The following AIDA variants were observed in gnomAD, a reference collection of about 807,000 sequenced individuals.
AIDA encodes the protein axin interactor, dorsalization-associated protein.
Under a neutral mutation model 42.7 loss-of-function variants are expected in AIDA, and 18 were observed. The ratio of observed to expected loss-of-function variants is 0.42; its 90% CI spans 0.29 to 0.63. AIDA has a LOEUF of 0.63. Among genes scored for constraint, AIDA ranks in the 20% least tolerant of loss-of-function variants. AIDA has a pLI of 0.19. For missense variants in AIDA, 250 were observed against 354.1 expected (o/e 0.71, Z 2.36); for synonymous variants, 104 against 122.9 (o/e 0.85, Z 1.02).
At chr1:222,677,587 G>A (rs1435249545) in intron 6 of AIDA, among the ~76,000 whole-genome samples, 1 of 152,082 alleles carries the variant, frequency 6.6e-6, no homozygotes, top group Non-Finnish European at 1.5e-5. Context: ...AGAATGTTCT[G>A]TTCTTGGTCT....
rs112437025 is a variant in AIDA, at chr1:222,704,277, A to G, written c.111-1060T>C. On this transcript the variant is annotated intron_variant, in intron 1 of 9. Transcript: ENST00000340020. ...GGAAAACAATTTGGCCATTCCTCAA[A>G]AAGTTAAATATAGACTTACTGTATG... 2.6e-3 allele frequency among the ~76,000 whole-genome samples: 400 copies of G among 152,356 alleles called. 2 individuals are homozygous for G. The highest frequency in any genetic ancestry group is 9.3e-3 in the African/African-American group (385 of 41,584).
rs191714614 is a variant in AIDA, at chr1:222,688,226, C to G, written c.290-568G>C. ...TTCAAAAAAAGTTGTATAAAAGATG[C>G]CCAGTTAGAGATACATGAGTACATT... On this transcript the variant is annotated intron_variant, in intron 4 of 9. Transcript: ENST00000340020. Among the ~76,000 whole-genome samples the G allele has an allele frequency of 2.0e-5, 3 of 152,168 alleles. 1 individual carries two copies. The highest frequency in any genetic ancestry group is 2.0e-4 in the Admixed American group (3 of 15,280).
chr1:222,697,109 A>C (rs937042687), intron 2 of AIDA, among the ~76,000 whole-genome samples: 1 of 151,660 alleles, frequency 6.6e-6, no homozygotes, highest in Non-Finnish European at 1.5e-5. Context: ...CGCCCGGCTA[A>C]TTTCTGTATT....
rs1664393754 is a variant in AIDA at position 222,668,906 on chromosome 1, A to T, written c.*987T>A. ...ATGAATGTCAGTATATCTAAATAGG[A>T]AATAAATGGCGATCCTATCTACCTA... On this transcript the variant is annotated 3_prime_UTR_variant, in exon 10 of 10. Transcript: ENST00000340020. 6.6e-6 allele frequency: 1 copy of T among 151,086 alleles called. No homozygotes were observed. The highest frequency in any genetic ancestry group is 2.0e-4 in the East Asian group (1 of 5,102). 9.4% of individuals were successfully genotyped at this position (151,086 alleles called of 1,614,324 possible).
chr1:222,693,713 T>G (rs1281189872), intron 4 of AIDA, 76 bp downstream of exon 4: 1 of 1,233,358 alleles, frequency 8.1e-7, no homozygotes, highest in East Asian at 2.3e-5. Context: ...TCATAATCTT[T>G]GTTAAATAGC....
At chr1:222,672,763 G>A (rs761181946) in intron 8 of AIDA, among the ~76,000 whole-genome samples, 5 of 152,212 alleles carry the variant, frequency 3.3e-5, no homozygotes, top group Non-Finnish European at 5.9e-5. Flanking sequence ...GAACCCTCAG[G>A]TGATAAAGGG....
chr1:222,688,486 C>A (rs1328662372), intron 4 of AIDA, among the ~76,000 whole-genome samples: 1 of 152,136 alleles, frequency 6.6e-6, no homozygotes, highest in Non-Finnish European at 1.5e-5. Flanking sequence ...AAAATTCCAA[C>A]TGCCTAGTAT....
chr1:222,671,823 G>A lies in AIDA; in HGVS notation c.706+1490C>T, dbSNP rs369732231. Among the ~76,000 whole-genome samples, 180 of 152,290 alleles carry A rather than the reference G, an allele frequency of 1.2e-3. 4 individuals are homozygous for A. The South Asian group carries it at 0.036, about 30-fold the overall frequency. ...TCATTAGAAAACCAAAGATTTTAAA[G>A]ACAGCAGAGTCTTTTCTGCTAGGAA... is the stretch of plus-strand genomic sequence containing the variant. On this transcript the variant is annotated intron_variant, in intron 8 of 9. Transcript: ENST00000340020.
intron 6 of AIDA, among the ~76,000 whole-genome samples, chr1:222,680,439 A>C (rs996604259): frequency 1.4e-4 from 21 of 152,344 alleles, no homozygotes; most frequent in African/African-American, 4.8e-4. Flanking sequence ...TTTCTAAAGA[A>C]GAGGTATGAG....
At chr1:222,703,606 C>T (rs1406982167) in intron 1 of AIDA, among the ~76,000 whole-genome samples, 4 of 152,246 alleles carry the variant, frequency 2.6e-5, no homozygotes, top group Middle Eastern at 3.4e-3. Flanking sequence ...ACCAGAGATA[C>T]TTTATCAGTC....
At chr1:222,686,648 T>C (rs1655192795) in intron 6 of AIDA, among the ~76,000 whole-genome samples, 1 of 152,178 alleles carries the variant, frequency 6.6e-6, no homozygotes, top group Non-Finnish European at 1.5e-5. Context: ...TCTTGTGTTC[T>C]CTTGTAATGA....
At chr1:222,689,788 T>C (rs1478640974) in intron 4 of AIDA, among the ~76,000 whole-genome samples, 1 of 151,922 alleles carries the variant, frequency 6.6e-6, no homozygotes, top group African/African-American at 2.4e-5. Flanking sequence ...TTTAGCCTAA[T>C]TGTACAGTGT....
intron 1 of AIDA, chr1:222,711,918 A>C (rs1443502765): frequency 2.7e-6 from 1 of 366,306 alleles, no homozygotes; most frequent in East Asian, 6.8e-5. Context: ...AAAGGAACTA[A>C]GCAGATAGCC....
At chr1:222,703,043 A>G (rs1384731722) in intron 2 of AIDA, 105 bp downstream of exon 2, 1 of 794,996 alleles carries the variant, frequency 1.3e-6, no homozygotes, top group African/African-American at 1.8e-5. Context: ...TAAGTATAAC[A>G]GTTTTTTGTT....
At chr1:222,698,978 A>T (rs1158710928) in intron 2 of AIDA, among the ~76,000 whole-genome samples, 1 of 151,314 alleles carries the variant, frequency 6.6e-6, no homozygotes. Context: ...GGTGCCCGCC[A>T]CCACGCCTGG....
At chr1:222,699,993 C>T (rs906073678) in intron 2 of AIDA, among the ~76,000 whole-genome samples, 4 of 152,078 alleles carry the variant, frequency 2.6e-5, no homozygotes, top group Admixed American at 1.3e-4. Context: ...CTCCTGACCT[C>T]GTGATCTGCC....
At chr1:222,696,640 T>G (rs1022685779) in intron 2 of AIDA, among the ~76,000 whole-genome samples, 1 of 152,224 alleles carries the variant, frequency 6.6e-6, no homozygotes, top group Non-Finnish European at 1.5e-5. Context: ...AGCAATGCCT[T>G]CTATGCAATA....
chr1:222,698,448 A>ATTTTTTT (rs36041357), intron 2 of AIDA, among the ~76,000 whole-genome samples: 1 of 127,374 alleles, frequency 7.9e-6, no homozygotes, highest in African/African-American at 2.8e-5. Context: ...TTATTCATCA[A>ATTTTTTT]TTTTTTTTTT....
chr1:222,706,826 C>T (rs1655851847), intron 1 of AIDA, among the ~76,000 whole-genome samples: 1 of 148,690 alleles, frequency 6.7e-6, no homozygotes, highest in Non-Finnish European at 1.5e-5. Context: ...CTGCACTCCG[C>T]CCAGGGTAAC....
Sources: allele counts gnomAD v4.1 joint callset (sites outside exome capture counted in the v4.1 genomes callset), GRCh38; gene constraint gnomAD v4.1.1; transcripts MANE v1.5; gene names NCBI Gene and HGNC (gene_info 2026-07-23, HGNC 2026-07-21).